PLEKHG1: variants seen among roughly 807,000 people sequenced by gnomAD.
PLEKHG1 encodes the protein pleckstrin homology and RhoGEF domain containing G1.
Under a neutral mutation model 100.8 loss-of-function variants are expected in PLEKHG1, and 44 were observed. That is an observed-to-expected ratio of 0.44 (90% CI 0.34 to 0.56). The LOEUF (loss-of-function observed/expected upper bound fraction) is 0.56, where lower values mean the gene tolerates loss of function less well. Among genes scored for constraint, PLEKHG1 ranks in the 20% least tolerant of loss-of-function variants. The pLI, the probability that PLEKHG1 is intolerant of heterozygous loss-of-function variation, is 0.01. For synonymous variants in PLEKHG1, 640 were observed against 662.5 expected (o/e 0.97, Z 0.52); for missense variants, 1,545 against 1,720.9 (o/e 0.90, Z 1.81).
chr6:150,634,308 C>T (rs1377774493), intron 1 of PLEKHG1, among the ~76,000 whole-genome samples: 1 of 150,820 alleles, frequency 6.6e-6, no homozygotes, highest in Admixed American at 6.6e-5. Context: ...GATCAAGCAG[C>T]CACATGGGAG....
Position 150,786,375 on chromosome 6 carries a change from T to C in PLEKHG1, c.513-15T>C, listed in dbSNP as rs200199826. The C allele has an allele frequency of 5.9e-5, 93 of 1,576,466 alleles. 1 individual carries two copies. In the African/African-American group the frequency reaches 1.1e-3, roughly 19 times the overall value. On this transcript the variant is annotated splice_polypyrimidine_tract_variant and intron_variant, in intron 3 of 15. Coordinates refer to ENST00000358517, the Ensembl canonical transcript of PLEKHG1. ...ACTACAATCTAATACTTCCTGGCTGTTATTTTTTTATTAGTGAACTTCTGC... is the reference window on the plus strand; with the variant it reads ...ACTACAATCTAATACTTCCTGGCTGCTATTTTTTTATTAGTGAACTTCTGC...
At chr6:150,658,339 A>C (rs1779049586) in intron 3 of PLEKHG1, among the ~76,000 whole-genome samples, 1 of 152,218 alleles carries the variant, frequency 6.6e-6, no homozygotes, top group Non-Finnish European at 1.5e-5. Context: ...ATTGATCTTA[A>C]GTCCTGTATT....
chr6:150,600,066 G>GA lies in PLEKHG1; in HGVS notation c.-204+50dup, dbSNP rs1398955199. The GA allele has an allele frequency of 5.3e-6, 1 of 187,086 alleles. No homozygotes were observed. The highest frequency in any genetic ancestry group is 2.4e-5 in the African/African-American group (1 of 41,608). 11.6% of individuals were successfully genotyped at this position (187,086 alleles called of 1,614,324 possible). On this transcript the variant is annotated intron_variant, in intron 1 of 3. Transcript: ENST00000367326. The surrounding 1 kb of genome is among the most constrained non-coding windows in gnomAD (Gnocchi z 6.2). ...GCCCTGGGGACTTTTCCAGGGATGG[G>GA]AGGGGGGACCCGGGGACCTCCGGCG...
Position 150,801,480 on chromosome 6 carries a change from C to T in PLEKHG1, c.780+611C>T, listed in dbSNP as rs1405212932. Among the ~76,000 whole-genome samples the T allele has an allele frequency of 1.9e-4, 28 of 145,182 alleles. 1 individual carries two copies. The highest frequency in any genetic ancestry group is 6.9e-4 in the African/African-American group (27 of 39,048). On this transcript the variant is annotated intron_variant, in intron 6 of 15. Transcript: ENST00000358517. Reference sequence around the variant, plus strand: ...TGAGACAGGGTCTGGCTCTGTTGCCCAGGCTGGCGTACAGTGGTGTAATCA... The same window carrying T: ...TGAGACAGGGTCTGGCTCTGTTGCCTAGGCTGGCGTACAGTGGTGTAATCA...
intron 2 of PLEKHG1, among the ~76,000 whole-genome samples, chr6:150,640,778 A>G (rs1778220759): frequency 6.6e-6 from 1 of 152,046 alleles, no homozygotes; most frequent in Non-Finnish European, 1.5e-5. Flanking sequence ...TTGGTTATTC[A>G]TTTAACAATT....
chr6:150,767,613 A>G (rs1277842946), intron 2 of PLEKHG1, among the ~76,000 whole-genome samples: 1 of 152,198 alleles, frequency 6.6e-6, no homozygotes, highest in Non-Finnish European at 1.5e-5. Flanking sequence ...CAATTATCTA[A>G]TGGATCTTAC....
chr6:150,640,841 GA>G (rs949758310), intron 2 of PLEKHG1, among the ~76,000 whole-genome samples: 1 of 152,194 alleles, frequency 6.6e-6, no homozygotes, highest in African/African-American at 2.4e-5. Context: ...GGTACACAGA[GA>G]AATGGGGTCT....
At chr6:150,705,664 C>G (rs778629257) in intron 3 of PLEKHG1, among the ~76,000 whole-genome samples, 8 of 152,220 alleles carry the variant, frequency 5.3e-5, no homozygotes, top group Non-Finnish European at 7.3e-5. Flanking sequence ...CTTTTTCTTC[C>G]TCATGAGGAT....
At chr6:150,777,853 A>C (rs1398365606) in intron 3 of PLEKHG1, among the ~76,000 whole-genome samples, 2 of 152,284 alleles carry the variant, frequency 1.3e-5, no homozygotes, top group East Asian at 3.8e-4. Flanking sequence ...CGTTAGTTAC[A>C]CTGATTCAAT....
chr6:150,768,737 A>T, exon 3 of PLEKHG1: 2 of 1,499,720 alleles, frequency 1.3e-6, no homozygotes, highest in South Asian at 1.1e-5. Context: ...CCACTTCAAT[A>T]GGTAAGTTAA....
intron 3 of PLEKHG1, among the ~76,000 whole-genome samples, chr6:150,671,555 G>A (rs1779582418): frequency 6.6e-6 from 1 of 152,224 alleles, no homozygotes; most frequent in African/African-American, 2.4e-5. Flanking sequence ...GACTCCATAT[G>A]CCGGGCACTG....
chr6:150,813,715 T>C (rs1787685146), intron 10 of PLEKHG1, among the ~76,000 whole-genome samples: 1 of 152,098 alleles, frequency 6.6e-6, no homozygotes, highest in Admixed American at 6.5e-5. Flanking sequence ...GAAGGGACTT[T>C]TGGAGTCCTG....
At chr6:150,756,164 G>A (rs946728066) in intron 2 of PLEKHG1, among the ~76,000 whole-genome samples, 6 of 149,036 alleles carry the variant, frequency 4.0e-5, no homozygotes, top group African/African-American at 7.4e-5. Context: ...GGACATCTTC[G>A]TGTTTACCCC....
chr6:150,831,925 T>C lies in PLEKHG1; in HGVS notation c.2814T>C (p.Ser938=). Reference sequence around the variant, plus strand: ...GCCTTAACCGGCTTTCTCTGGCTAGTGAAATGCCCCTCATGGACAATCCCT... The same window carrying C: ...GCCTTAACCGGCTTTCTCTGGCTAGCGAAATGCCCCTCATGGACAATCCCT... The change falls in exon 15 of 16, where the codon AGT becomes AGC. Residue 938 remains serine, a synonymous_variant. Transcript: ENST00000358517. The surrounding 1 kb of genome is among the most constrained non-coding windows in gnomAD (Gnocchi z 4.1). 6.2e-7 allele frequency: 1 copy of C among 1,614,028 alleles called. No homozygotes were observed. The highest frequency in any genetic ancestry group is 8.5e-7 in the Non-Finnish European group (1 of 1,179,902).
At chr6:150,681,502 C>CAAAA (rs762515691) in intron 3 of PLEKHG1, among the ~76,000 whole-genome samples, 118 of 120,982 alleles carry the variant, frequency 9.8e-4, no homozygotes, top group African/African-American at 2.5e-3. Flanking sequence ...GACTCTGTCT[C>CAAAA]AAAAAAAAAA....
In PLEKHG1 at chr6:150,822,150, C is replaced by CAAAAAAAA. The variant is rs58672381; in HGVS notation, c.1447+938_1447+945dup. 7.3e-4 allele frequency among the ~76,000 whole-genome samples: 27 copies of CAAAAAAAA among 36,742 alleles called. 1 individual carries two copies. Among genetic ancestry groups the CAAAAAAAA allele is most frequent in the African/African-American group, 1.4e-3 (15 of 10,928 alleles). The allele number at this position is 36,742 out of a possible 152,430, so 24.1% of individuals were successfully genotyped here. A position where few individuals can be genotyped will look rare whatever the true frequency, so the allele number is the denominator to read the frequency against. On this transcript the variant is annotated intron_variant, in intron 13 of 15. Coordinates refer to ENST00000358517, the Ensembl canonical transcript of PLEKHG1. ...GCCACCACGCCCAGCCCAAAGGACT[C>CAAAAAAAA]AAAAAAAAAAAAAAAAAAAAAAAAA...
intron 7 of PLEKHG1, among the ~76,000 whole-genome samples, chr6:150,805,967 T>C (rs984578046): frequency 6.6e-6 from 1 of 152,136 alleles, no homozygotes; most frequent in African/African-American, 2.4e-5. Context: ...GATGCACTAT[T>C]AAAAACAAAA....
At chr6:150,693,510 C>T (rs183779867) in intron 3 of PLEKHG1, among the ~76,000 whole-genome samples, 22 of 152,246 alleles carry the variant, frequency 1.4e-4, no homozygotes, top group East Asian at 7.7e-4. Context: ...CTCTGAATTC[C>T]CTGGGATAGA....
intron 13 of PLEKHG1, among the ~76,000 whole-genome samples, chr6:150,821,832 A>ATT (rs72117887): frequency 6.7e-6 from 1 of 148,942 alleles, no homozygotes; most frequent in African/African-American, 2.5e-5. Context: ...GGACTCTTTT[A>ATT]TTTTTTTTTT....
Sources: allele counts gnomAD v4.1 joint callset (sites outside exome capture counted in the v4.1 genomes callset), GRCh38; gene constraint gnomAD v4.1.1; non-coding constraint Gnocchi (gnomAD v3.1); transcripts MANE v1.5; gene names NCBI Gene and HGNC (gene_info 2026-07-23, HGNC 2026-07-21).